The following CPT1A variants were observed in gnomAD, a reference collection of about 807,000 sequenced individuals.
The protein encoded by CPT1A is carnitine O-palmitoyltransferase 1, liver isoform.
CPT1A carries 64 observed loss-of-function variants against 100.8 expected under a neutral mutation model. That is an observed-to-expected ratio of 0.63 (90% CI 0.52 to 0.78). The LOEUF is 0.78. Ranked by LOEUF, CPT1A falls within the 30% of genes least tolerant of loss-of-function variation. The pLI, the probability that CPT1A is intolerant of heterozygous loss-of-function variation, is 0.00. For synonymous variants in CPT1A, 363 were observed against 396.0 expected, an observed-to-expected ratio of 0.92 and a Z score of 0.99; for missense variants, 802 against 1,034.1, an observed-to-expected ratio of 0.78 and a Z score of 3.08.
At chr11:68,769,153 G>A (rs956391456) in intron 14 of CPT1A, among the ~76,000 whole-genome samples, 6 of 151,982 alleles carry the variant, frequency 3.9e-5, no homozygotes, top group East Asian at 1.9e-4. Flanking sequence ...CCAGCTCCCC[G>A]TCCCCTACTG....
chr11:68,786,279 T>C (rs1172210011), intron 9 of CPT1A, among the ~76,000 whole-genome samples: 1 of 152,174 alleles, frequency 6.6e-6, no homozygotes, highest in Admixed American at 6.5e-5. Flanking sequence ...GAGGATCACT[T>C]GAGCCTGGGG....
intron 1 of CPT1A, among the ~76,000 whole-genome samples, chr11:68,827,682 C>G (rs1312643558): frequency 6.6e-6 from 1 of 152,132 alleles, no homozygotes; most frequent in Admixed American, 6.5e-5. Context: ...GCAAAAATTT[C>G]TAAGATGCAA....
chr11:68,822,229 T>TAA (rs543750413), intron 1 of CPT1A, among the ~76,000 whole-genome samples: 1 of 144,016 alleles, frequency 6.9e-6, no homozygotes, highest in Non-Finnish European at 1.5e-5. Context: ...TAAACAAAAA[T>TAA]AAAAAAAAAA....
intron 1 of CPT1A, among the ~76,000 whole-genome samples, chr11:68,817,625 G>T (rs575340963): frequency 1.3e-5 from 2 of 151,786 alleles, no homozygotes; most frequent in African/African-American, 2.4e-5. Context: ...AGGGCAGGAG[G>T]ATGGGGTCAA....
In CPT1A at chr11:68,841,077, G is replaced by A. The variant is rs868040201; in HGVS notation, c.-14+698C>T. Reference sequence around the variant, plus strand: ...CCCTGCGCCAAGGGCGTGTCCCGACGGCTGCACCGCGAGGGCGGGCATGGG... The same window carrying A: ...CCCTGCGCCAAGGGCGTGTCCCGACAGCTGCACCGCGAGGGCGGGCATGGG... On this transcript the variant is annotated intron_variant, in intron 1 of 18. Coordinates refer to ENST00000265641, the MANE Select transcript of CPT1A (RefSeq NM_001876.4). The surrounding 1 kb of genome is among the most constrained non-coding windows in gnomAD (Gnocchi z 6.3). Among the ~76,000 whole-genome samples the A allele has an allele frequency of 6.6e-6, 1 of 152,252 alleles. No homozygotes were observed. Among genetic ancestry groups the A allele is most frequent in the South Asian group, 2.1e-4 (1 of 4,834 alleles).
rs398123654 is a variant in CPT1A at position 68,812,496 on chromosome 11, G to C, written c.222C>G (p.Tyr74Ter). 1.2e-6 allele frequency: 2 copies of C among 1,614,150 alleles called. No individual in the cohort carries two copies. Among genetic ancestry groups the C allele is most frequent in the Non-Finnish European group, 1.7e-6 (2 of 1,180,028 alleles). ...IVVVGVMTTM[Y>*]AKIDPSLGII... ...TTCCTAACGAGGGGTCGATCTTGGC[G>C]TACATCGTTGTCATCACGCCCACCA... The change falls in exon 3 of 19, where the codon TAC becomes TAG. Residue 74 changes from tyrosine to a stop codon, truncating the protein, a stop_gained. Coordinates refer to ENST00000265641, the MANE Select transcript of CPT1A (RefSeq NM_001876.4). LOFTEE classifies it high-confidence loss of function.
intron 14 of CPT1A, among the ~76,000 whole-genome samples, chr11:68,767,801 T>A (rs571249952): frequency 6.6e-6 from 1 of 152,292 alleles, no homozygotes; most frequent in South Asian, 2.1e-4. Context: ...ATGTCTCCAC[T>A]CTGGGTTCAC....
intron 9 of CPT1A, among the ~76,000 whole-genome samples, chr11:68,791,817 G>A (rs907677464): frequency 6.6e-6 from 1 of 152,074 alleles, no homozygotes; most frequent in Non-Finnish European, 1.5e-5. Context: ...GATTACAGGC[G>A]TGAGCCACCG....
At chr11:68,802,440 AAAAAAAT>A (rs1855928517) in intron 5 of CPT1A, among the ~76,000 whole-genome samples, 1 of 151,934 alleles carries the variant, frequency 6.6e-6, no homozygotes, top group Non-Finnish European at 1.5e-5. Flanking sequence ...GAAAAAAAAA[AAAAAAAT>A]AGGGCCAGGC....
chr11:68,803,993 C>T lies in CPT1A; in HGVS notation c.555+7G>A. ...GCATTTCAGTGTGAGGCCTAAGCCACACCTACCCTGTTCACAGTGTCTTTG... is the reference window on the plus strand; with the variant it reads ...GCATTTCAGTGTGAGGCCTAAGCCATACCTACCCTGTTCACAGTGTCTTTG... On this transcript the variant is annotated splice_region_variant and intron_variant, in intron 5 of 18. Coordinates refer to ENST00000265641, the MANE Select transcript of CPT1A (RefSeq NM_001876.4). The T allele has an allele frequency of 1.9e-6, 3 of 1,608,780 alleles. No individual in the cohort carries two copies. The highest frequency in any genetic ancestry group is 2.6e-6 in the Non-Finnish European group (3 of 1,175,114).
Position 68,841,743 on chromosome 11 carries a change from C to CA in CPT1A, c.-14+31dup, listed in dbSNP as rs1491407276. On this transcript the variant is annotated intron_variant, in intron 1 of 18. Coordinates refer to ENST00000265641, the MANE Select transcript of CPT1A (RefSeq NM_001876.4). The surrounding 1 kb of genome is among the most constrained non-coding windows in gnomAD (Gnocchi z 6.3). ...CCCGCAGCCCGCAGGGCCGCCCCGC[C>CA]ACCCTCCCCACCGCGGGCGACCGGG... The CA allele has an allele frequency of 2.1e-6, 2 of 966,858 alleles. No homozygotes were observed. Among genetic ancestry groups the CA allele is most frequent in the East Asian group, 1.1e-4 (1 of 8,754 alleles). 59.9% of individuals were successfully genotyped at this position (966,858 alleles called of 1,614,324 possible). A position where few individuals can be genotyped will look rare whatever the true frequency, so the allele number is the denominator to read the frequency against.
intron 9 of CPT1A, among the ~76,000 whole-genome samples, chr11:68,788,051 C>A (rs1210195286): frequency 2.0e-5 from 3 of 151,868 alleles, no homozygotes; most frequent in African/African-American, 7.3e-5. Flanking sequence ...ACAGAAGGAA[C>A]CACCTCTGCC....
At position 68,824,742 on chromosome 11, in the gene CPT1A, G is replaced by C. The variant is rs950835867; in HGVS notation, c.-13-9255C>G. 4.6e-5 allele frequency among the ~76,000 whole-genome samples: 7 copies of C among 151,286 alleles called. No individual in the cohort carries two copies. The East Asian group carries it at 7.7e-4, about 17-fold the overall frequency. ...TCAGGCAGTGGTTATTTTTAAAAAG[G>C]GTTCCCATCTTTTATTGATACATCC... On this transcript the variant is annotated intron_variant, in intron 1 of 18. Transcript: ENST00000265641.
Position 68,768,266 on chromosome 11 carries a change from G to T in CPT1A, c.1740+4999C>A, listed in dbSNP as rs1003969721. ...AATTTTTTGTATTTTTAGTAGAGAC[G>T]GGGTTTCATCGTGTTAGCCAGGATG... On this transcript the variant is annotated intron_variant, in intron 14 of 18. Transcript: ENST00000265641. Among the ~76,000 whole-genome samples the T allele has an allele frequency of 9.2e-5, 14 of 151,582 alleles. No homozygotes were observed. The South Asian group carries it at 2.7e-3, about 29-fold the overall frequency.
chr11:68,782,122 T>G (rs1460211591), intron 10 of CPT1A, among the ~76,000 whole-genome samples, 163 bp from the exon 11 acceptor site: 1 of 152,216 alleles, frequency 6.6e-6, no homozygotes, highest in Non-Finnish European at 1.5e-5. Context: ...GGAAGGACTC[T>G]CACCTGCTCC....
At chr11:68,833,284 AG>A (rs1389817992) in intron 1 of CPT1A, among the ~76,000 whole-genome samples, 1 of 152,224 alleles carries the variant, frequency 6.6e-6, no homozygotes, top group Non-Finnish European at 1.5e-5. Flanking sequence ...ACTGAGATGC[AG>A]GCAAAAATTA....
At chr11:68,824,683 G>A (rs1410817872) in intron 1 of CPT1A, among the ~76,000 whole-genome samples, 1 of 151,234 alleles carries the variant, frequency 6.6e-6, no homozygotes, top group African/African-American at 2.4e-5. Flanking sequence ...TCAGCCTCCT[G>A]AGTAGTTGAG....
At chr11:68,835,300 G>A (rs1318291068) in intron 1 of CPT1A, among the ~76,000 whole-genome samples, 1 of 152,170 alleles carries the variant, frequency 6.6e-6, no homozygotes, top group Non-Finnish European at 1.5e-5. Flanking sequence ...ACCTGCACCT[G>A]CCCAAAGGAC....
At chr11:68,817,329 A>C (rs1221088390) in intron 1 of CPT1A, among the ~76,000 whole-genome samples, 1 of 152,148 alleles carries the variant, frequency 6.6e-6, no homozygotes, top group Non-Finnish European at 1.5e-5. Flanking sequence ...CCACCAGCCA[A>C]AACACAGAAC....
Sources: allele counts gnomAD v4.1 joint callset (sites outside exome capture counted in the v4.1 genomes callset), GRCh38; gene constraint gnomAD v4.1.1; non-coding constraint Gnocchi (gnomAD v3.1); transcripts MANE v1.5; gene names NCBI Gene and HGNC (gene_info 2026-07-23, HGNC 2026-07-21).